DGLUCY: variants seen among roughly 807,000 people sequenced by gnomAD.
DGLUCY encodes the protein D-glutamate cyclase, mitochondrial.
A neutral mutation model predicts 58.5 loss-of-function variants in DGLUCY; 58 were observed. That is an observed-to-expected ratio of 0.99 (90% CI 0.80 to 1.23). DGLUCY has a LOEUF of 1.23. Ranked by LOEUF, DGLUCY falls within the 50% of genes most tolerant of loss-of-function variation. DGLUCY has a pLI of 0.00. For missense variants in DGLUCY, 779 were observed against 784.7 expected (o/e 0.99, Z 0.09); for synonymous variants, 325 against 314.1 (o/e 1.03, Z -0.37).
intron 1 of DGLUCY, among the ~76,000 whole-genome samples, chr14:91,144,589 G>A (rs1358846023): frequency 6.6e-6 from 1 of 152,114 alleles, no homozygotes; most frequent in Non-Finnish European, 1.5e-5. Flanking sequence ...GAGTCATCCT[G>A]ATTGGACCAG....
chr14:91,192,267 T>A lies in DGLUCY; in HGVS notation c.1195+3097T>A, dbSNP rs577129332. On this transcript the variant is annotated intron_variant, in intron 9 of 13. Coordinates refer to ENST00000256324, the MANE Select transcript of DGLUCY (RefSeq NM_001102368.3). ...GATTAAGCCAATCGTATTGTATGAC[T>A]CCACGCATATGACATGCCTAGAGTA... Among the ~76,000 whole-genome samples the A allele has an allele frequency of 1.5e-4, 23 of 152,280 alleles. 1 individual carries two copies. The highest frequency in any genetic ancestry group is 5.2e-4 in the Admixed American group (8 of 15,286).
chr14:91,060,421 C>A, exon 1 of DGLUCY: 1 of 1,496,656 alleles, frequency 6.7e-7, no homozygotes, highest in Non-Finnish European at 9.0e-7. Flanking sequence ...GCTGCTGCCA[C>A]CCTCCTCCTC....
At chr14:91,180,209 C>G (rs889407392) in intron 7 of DGLUCY, among the ~76,000 whole-genome samples, 1 of 151,530 alleles carries the variant, frequency 6.6e-6, no homozygotes, top group African/African-American at 2.4e-5. Context: ...CTTTTATGTA[C>G]GTTTTCCAGT....
chr14:91,195,670 G>GT (rs1207157314), intron 9 of DGLUCY, among the ~76,000 whole-genome samples: 6,337 of 120,606 alleles, frequency 0.053, 439 homozygotes, highest in African/African-American at 0.13. Context: ...TTTGGGTTTT[G>GT]TTTTTTTTTT....
At chr14:91,148,309 A>G (rs1595760527) in intron 1 of DGLUCY, among the ~76,000 whole-genome samples, 1 of 151,416 alleles carries the variant, frequency 6.6e-6, no homozygotes, top group East Asian at 2.0e-4. Context: ...GGCTCAAGCG[A>G]TATTCCTACC....
chr14:91,107,347 T>C (rs200905148), upstream of DGLUCY, among the ~76,000 whole-genome samples: 1 of 151,624 alleles, frequency 6.6e-6, no homozygotes, highest in South Asian at 2.1e-4. Context: ...GGTGAAACCC[T>C]GTCTCTACTA....
intron 1 of DGLUCY, among the ~76,000 whole-genome samples, chr14:91,099,209 G>A (rs1375211389): frequency 6.6e-6 from 1 of 152,114 alleles, no homozygotes; most frequent in Admixed American, 6.6e-5. Flanking sequence ...ACATGGTGTG[G>A]GGTCAGAGTT....
At chr14:91,092,053 C>T (rs1156478343) in intron 1 of DGLUCY, among the ~76,000 whole-genome samples, 1 of 152,174 alleles carries the variant, frequency 6.6e-6, no homozygotes, top group Non-Finnish European at 1.5e-5. Flanking sequence ...TCATTCCTGC[C>T]TCTACCTACC....
At position 91,215,543 on chromosome 14, in the gene DGLUCY, C is replaced by T. The variant is rs763024478; in HGVS notation, c.1703C>T (p.Pro568Leu). Residue 568 changes from proline (P) to leucine (L), a missense_variant, in exon 13 of 14, where the codon CCG becomes CTG. By Grantham distance (98) the Pro-to-Leu change is moderately conservative (BLOSUM62 -3). Transcript: ENST00000256324. ...GATCAGGCCTGGACTCAGGCCCTCC[C>T]GTCGGTCATTAAGGTAACAAACCCC... ...PGDQAWTQAL[P>L]SVIKEEKMLG... 7.4e-6 allele frequency: 12 copies of T among 1,613,612 alleles called. 1 individual carries two copies. Among genetic ancestry groups the T allele is most frequent in the East Asian group, 4.5e-5 (2 of 44,882 alleles).
intron 11 of DGLUCY, among the ~76,000 whole-genome samples, chr14:91,200,834 C>T (rs1271141156): frequency 1.3e-5 from 2 of 151,960 alleles, no homozygotes; most frequent in South Asian, 2.1e-4. Context: ...AGGCTGAGTC[C>T]GAAAAAGGAG....
intron 1 of DGLUCY, among the ~76,000 whole-genome samples, chr14:91,139,912 A>AG (rs2046553842): frequency 6.6e-6 from 1 of 152,156 alleles, no homozygotes; most frequent in African/African-American, 2.4e-5. Flanking sequence ...AGCAGGATGG[A>AG]GGGGGAAGAG....
chr14:91,182,484 C>T (rs562073677), intron 8 of DGLUCY, among the ~76,000 whole-genome samples: 12 of 151,658 alleles, frequency 7.9e-5, no homozygotes, highest in African/African-American at 2.7e-4. Flanking sequence ...GAGATGGGGG[C>T]GTGGTGTCTC....
intron 12 of DGLUCY, among the ~76,000 whole-genome samples, chr14:91,206,186 G>A (rs1450668292): frequency 2.0e-5 from 3 of 151,774 alleles, no homozygotes; most frequent in Non-Finnish European, 4.4e-5. Flanking sequence ...CGTGGGAGAG[G>A]GACATACCCA....
At chr14:91,158,205 G>A (rs1566972548) in intron 2 of DGLUCY, among the ~76,000 whole-genome samples, 2 of 152,206 alleles carry the variant, frequency 1.3e-5, no homozygotes, top group African/African-American at 4.8e-5. Context: ...AGGTGGTCAG[G>A]CTTGCCAGGC....
chr14:91,173,306 T>C lies in DGLUCY; in HGVS notation c.474T>C (p.Val158=). The change falls in exon 6 of 14, where the codon GTT becomes GTC. Residue 158 remains valine (V), a synonymous_variant. Transcript: ENST00000256324. ...TTGGTCAGACAACAGTGCCTTGTGT[T>C]ACCCATGCTGGCTTCTGCTGCCCTC... ...AGAYKTTVPC[V]THAGFCCPLV... 1 of 1,613,830 alleles carries C rather than the reference T, an allele frequency of 6.2e-7. No homozygotes were observed. The highest frequency in any genetic ancestry group is 8.5e-7 in the Non-Finnish European group (1 of 1,179,936).
chr14:91,211,109 CT>C (rs1373443796), intron 12 of DGLUCY, among the ~76,000 whole-genome samples: 1 of 151,930 alleles, frequency 6.6e-6, no homozygotes, highest in African/African-American at 2.4e-5. Context: ...CATTAATTCC[CT>C]AAAATGAAAT....
chr14:91,159,747 G>A (rs2047872375), intron 2 of DGLUCY, among the ~76,000 whole-genome samples: 1 of 152,058 alleles, frequency 6.6e-6, no homozygotes, highest in South Asian at 2.1e-4. Flanking sequence ...ACAGAAACTC[G>A]GCCTCTTATT....
At chr14:91,117,440 G>A (rs542242288) in intron 1 of DGLUCY, among the ~76,000 whole-genome samples, 1 of 152,224 alleles carries the variant, frequency 6.6e-6, no homozygotes, top group African/African-American at 2.4e-5. Context: ...GCTCTGGTTT[G>A]AAAGCCTCTG....
intron 1 of DGLUCY, among the ~76,000 whole-genome samples, chr14:91,138,856 A>G (rs1302986394): frequency 1.3e-5 from 2 of 152,164 alleles, no homozygotes. Flanking sequence ...CAGATGGGGC[A>G]TGAATCTAAG....
Sources: allele counts gnomAD v4.1 joint callset (sites outside exome capture counted in the v4.1 genomes callset), GRCh38; gene constraint gnomAD v4.1.1; transcripts MANE v1.5; gene names NCBI Gene and HGNC (gene_info 2026-07-23, HGNC 2026-07-21).